Variants in SNX9 observed in about 807,000 individuals in gnomAD.
SNX9 encodes sorting nexin-9.
A neutral mutation model predicts 89.4 loss-of-function variants in SNX9; 44 were observed. The ratio of observed to expected loss-of-function variants is 0.49; its 90% CI spans 0.39 to 0.63. SNX9 has a LOEUF of 0.63. Ranked by LOEUF, SNX9 falls within the 30% of genes least tolerant of loss-of-function variation. The pLI, the probability that SNX9 is intolerant of heterozygous loss-of-function variation, is 0.00. For synonymous variants in SNX9, 236 were observed against 247.8 expected, an observed-to-expected ratio of 0.95 and a Z score of 0.45; for missense variants, 578 against 736.1, an observed-to-expected ratio of 0.79 and a Z score of 2.49.
intron 4 of SNX9, among the ~76,000 whole-genome samples, chr6:157,878,498 C>A (rs2115145735): frequency 6.8e-6 from 1 of 147,750 alleles, no homozygotes; most frequent in East Asian, 2.0e-4. Flanking sequence ...GGCGTGATGT[C>A]AGCTCACTGC....
intron 1 of SNX9, among the ~76,000 whole-genome samples, chr6:157,858,800 G>C (rs1782063634): frequency 6.6e-6 from 1 of 152,184 alleles, no homozygotes; most frequent in African/African-American, 2.4e-5. Context: ...AAGAGAGCTT[G>C]TGCAGGGGGA....
At chr6:157,866,471 G>A (rs932092718) in intron 1 of SNX9, among the ~76,000 whole-genome samples, 4 of 152,190 alleles carry the variant, frequency 2.6e-5, no homozygotes, top group African/African-American at 9.7e-5. Context: ...CTACTGGGGA[G>A]GCTGAGGTGG....
chr6:157,872,637 C>G (rs77181930), intron 2 of SNX9: 1 of 152,502 alleles, frequency 6.6e-6, no homozygotes, highest in African/African-American at 2.4e-5. Context: ...ATTCGTATAG[C>G]GACTTGGGTG....
At chr6:157,826,130 C>A (rs1428344046) in intron 1 of SNX9, among the ~76,000 whole-genome samples, 1 of 152,100 alleles carries the variant, frequency 6.6e-6, no homozygotes, top group African/African-American at 2.4e-5. Flanking sequence ...AAAAACTCCA[C>A]TACTATATTT....
At chr6:157,915,640 A>AAAATATATATATAT (rs1472422303) in intron 9 of SNX9, among the ~76,000 whole-genome samples, 1 of 95,150 alleles carries the variant, frequency 1.1e-5, no homozygotes, top group Non-Finnish European at 2.1e-5. Flanking sequence ...AAAAAAAAAA[A>AAAATATATATATAT]ATATATATAT....
intron 1 of SNX9, among the ~76,000 whole-genome samples, chr6:157,831,880 G>C (rs1319588901): frequency 6.6e-6 from 1 of 152,232 alleles, no homozygotes; most frequent in East Asian, 1.9e-4. Flanking sequence ...ATAGCAGACT[G>C]TCAAGTGAAG....
intron 1 of SNX9, among the ~76,000 whole-genome samples, chr6:157,849,376 A>AT (rs1462907443): frequency 1.3e-5 from 2 of 152,232 alleles, no homozygotes; most frequent in Non-Finnish European, 2.9e-5. Flanking sequence ...GTGAACAGAT[A>AT]GATGTTGAGC....
intron 1 of SNX9, among the ~76,000 whole-genome samples, chr6:157,853,595 A>G (rs1781952200): frequency 6.6e-6 from 1 of 152,208 alleles, no homozygotes; most frequent in Non-Finnish European, 1.5e-5. Flanking sequence ...GTTGTTTCAT[A>G]GGTGACTAAC....
intron 6 of SNX9, among the ~76,000 whole-genome samples, chr6:157,902,697 T>C (rs2143691): frequency 0.012 from 1,875 of 152,302 alleles, 49 homozygotes; most frequent in East Asian, 0.12. Context: ...GACAGGCGTC[T>C]CGCTCTGTCA....
At chr6:157,825,451 T>A (rs184596430) in intron 1 of SNX9, among the ~76,000 whole-genome samples, 38 of 152,280 alleles carry the variant, frequency 2.5e-4, no homozygotes, top group Admixed American at 1.3e-3. Flanking sequence ...TGAACTTAAT[T>A]TTTTTCCAAA....
chr6:157,825,663 C>T (rs759112971), intron 1 of SNX9, among the ~76,000 whole-genome samples: 6 of 152,152 alleles, frequency 3.9e-5, no homozygotes, highest in Non-Finnish European at 8.8e-5. Context: ...TTGTGACAAA[C>T]CATTTCCATT....
rs1297160235 is a variant in SNX9, at chr6:157,936,008, T to C, written c.1411T>C (p.Tyr471His). Reference sequence around the variant, plus strand: ...TGCAATAACAGAAGCAGGAAAGACTTATGAAGAAATTGCCAGTCTCGTGGC... The same window carrying C: ...TGCAATAACAGAAGCAGGAAAGACTCATGAAGAAATTGCCAGTCTCGTGGC... ...NDAITEAGKT[Y>H]EEIASLVAEQ... The change falls in exon 14 of 18, where the codon TAT becomes CAT. Residue 471 changes from tyrosine to histidine, a missense_variant. Tyr to His is a moderately conservative substitution (Grantham distance 83). Transcript: ENST00000392185. 3 of 1,612,532 alleles carry C rather than the reference T, an allele frequency of 1.9e-6. No homozygotes were observed. Among genetic ancestry groups the C allele is most frequent in the Non-Finnish European group, 2.5e-6 (3 of 1,179,314 alleles).
chr6:157,925,728 G>T (rs1783678356), intron 10 of SNX9, among the ~76,000 whole-genome samples: 1 of 152,060 alleles, frequency 6.6e-6, no homozygotes. Context: ...AGGGCTCTTT[G>T]CTAGCTTGAA....
intron 6 of SNX9, among the ~76,000 whole-genome samples, chr6:157,904,687 C>T (rs1017590165): frequency 2.0e-5 from 3 of 151,860 alleles, no homozygotes; most frequent in Non-Finnish European, 4.4e-5. Context: ...TCCAGCCTGG[C>T]GACAGAGTGA....
At chr6:157,942,182 T>G (rs1784048749) in intron 17 of SNX9, among the ~76,000 whole-genome samples, 1 of 152,202 alleles carries the variant, frequency 6.6e-6, no homozygotes, top group African/African-American at 2.4e-5. Flanking sequence ...AAGTAACCCT[T>G]AAGTTACTAA....
intron 13 of SNX9, among the ~76,000 whole-genome samples, chr6:157,935,228 AG>A (rs1783899412): frequency 6.6e-6 from 1 of 152,224 alleles, no homozygotes; most frequent in African/African-American, 2.4e-5. Context: ...GAAGTATTTC[AG>A]CTAATAAAGA....
At chr6:157,923,847 C>T (rs1302983683) in intron 10 of SNX9, among the ~76,000 whole-genome samples, 1 of 152,202 alleles carries the variant, frequency 6.6e-6, no homozygotes, top group Non-Finnish European at 1.5e-5. Flanking sequence ...GGTGCTGGGT[C>T]AGTTGGATGG....
intron 10 of SNX9, 68 bp downstream of exon 10, chr6:157,921,729 C>T (rs1783587957): frequency 2.0e-6 from 3 of 1,510,148 alleles, no homozygotes; most frequent in Non-Finnish European, 2.7e-6. Context: ...AAACTTATTT[C>T]TGAAAGGAGT....
intron 1 of SNX9, among the ~76,000 whole-genome samples, chr6:157,840,540 A>G (rs1781685610): frequency 7.1e-6 from 1 of 140,524 alleles, no homozygotes. Context: ...GCTTGCCTTT[A>G]TTACCCAAAG....
Sources: gnomAD v4.1 joint callset for allele counts (sites outside exome capture counted in the v4.1 genomes callset) on GRCh38, gnomAD v4.1.1 for gene constraint, MANE v1.5 for transcripts, NCBI Gene and HGNC (gene_info 2026-07-23, HGNC 2026-07-21) for gene names.